Variants in ADGRG2 observed in about 807,000 individuals in gnomAD.
The protein encoded by ADGRG2 is G protein-coupled receptor 64.
Under a neutral mutation model 74.1 loss-of-function variants are expected in ADGRG2, and 26 were observed. That is an observed-to-expected ratio of 0.35 (90% CI 0.26 to 0.49). The LOEUF (loss-of-function observed/expected upper bound fraction) is 0.49, where lower values mean the gene tolerates loss of function less well. Among genes scored for constraint, ADGRG2 ranks in the 20% least tolerant of loss-of-function variants. The pLI is 0.99. For missense variants in ADGRG2, 619 were observed against 763.1 expected, an observed-to-expected ratio of 0.81 and a Z score of 2.22; for synonymous variants, 296 against 295.2, an observed-to-expected ratio of 1.00 and a Z score of -0.03.
intron 1 of ADGRG2, among the ~76,000 whole-genome samples, 170 bp from the exon 2 acceptor site, chrX:19,082,916 G>A (rs1288297479): frequency 8.9e-6 from 1 of 111,830 alleles, no homozygotes; most frequent in Non-Finnish European, 1.9e-5. Context: ...AAAAATGGAT[G>A]TAAACCCTGC....
intron 3 of ADGRG2, among the ~76,000 whole-genome samples, chrX:19,053,356 G>A (rs1451535773): frequency 2.7e-5 from 3 of 110,677 alleles, no homozygotes; most frequent in African/African-American, 9.9e-5. Context: ...TTTGCGGGGC[G>A]GAGGGGGGGT....
intron 16 of ADGRG2, 93 bp from the exon 17 acceptor site, chrX:19,010,871 A>C: frequency 5.3e-6 from 3 of 565,582 alleles, no homozygotes; most frequent in Non-Finnish European, 8.2e-6. Flanking sequence ...TGGCAAACTC[A>C]CTCCTGGGTA....
intron 1 of ADGRG2, among the ~76,000 whole-genome samples, chrX:19,102,088 T>C (rs1392081938): frequency 9.3e-6 from 1 of 107,973 alleles, no homozygotes; most frequent in Non-Finnish European, 1.9e-5. Context: ...GGTGAAAATA[T>C]TGCCGGGTGT....
At chrX:19,074,234 A>C (rs966481132) in intron 2 of ADGRG2, among the ~76,000 whole-genome samples, 14 of 110,221 alleles carry the variant, frequency 1.3e-4, no homozygotes, top group Admixed American at 8.7e-4. Flanking sequence ...GCATTTTCTT[A>C]TTATTATTAA....
intron 28 of ADGRG2, among the ~76,000 whole-genome samples, chrX:18,991,778 C>T (rs1352570421): frequency 8.9e-6 from 1 of 111,785 alleles, no homozygotes; most frequent in East Asian, 2.8e-4. Context: ...TTGGCACCAT[C>T]CTTCTGATCA....
chrX:19,070,244 A>G (rs2061632618), intron 2 of ADGRG2, among the ~76,000 whole-genome samples: 1 of 112,751 alleles, frequency 8.9e-6, no homozygotes, highest in African/African-American at 3.2e-5. Flanking sequence ...TTTTATCATC[A>G]TTGCTTGCAT....
intron 3 of ADGRG2, among the ~76,000 whole-genome samples, chrX:19,062,024 TCTC>T (rs1203377331): frequency 1.8e-5 from 2 of 111,339 alleles, no homozygotes; most frequent in Non-Finnish European, 3.8e-5. Context: ...GGGGGGTCCT[TCTC>T]CTGCTAATAC....
At position 19,004,181 on chromosome X, in the gene ADGRG2, T is replaced by A. The variant is rs184896891; in HGVS notation, c.1961+577A>T. ...AAAATGCCCATGTCCTTCTTTTCCA[T>A]TAGAATTTGTTGGAATTACCCCCAA... On this transcript the variant is annotated intron_variant, in intron 23 of 28. Transcript: ENST00000379869. 2.7e-5 allele frequency among the ~76,000 whole-genome samples: 3 copies of A among 112,146 alleles called. No individual in the cohort carries two copies. The Admixed American group carries it at 2.8e-4, about 11-fold the overall frequency.
intron 3 of ADGRG2, among the ~76,000 whole-genome samples, chrX:19,062,787 G>A (rs1381434559): frequency 9.0e-6 from 1 of 110,500 alleles, no homozygotes; most frequent in East Asian, 2.9e-4. Flanking sequence ...GGGACTCATC[G>A]CTGGAAATGC....
intron 3 of ADGRG2, among the ~76,000 whole-genome samples, chrX:19,056,079 C>T (rs1384529197): frequency 9.0e-6 from 1 of 110,645 alleles, no homozygotes; most frequent in Non-Finnish European, 1.9e-5. Flanking sequence ...GCACACATCA[C>T]TTATACCCAC....
In ADGRG2 at chrX:18,996,113, T is replaced by C. The variant is rs1185593626; in HGVS notation, c.2654A>G (p.Asn885Ser). Residue 885 changes from asparagine to serine, a missense_variant, in exon 27 of 29, where the codon AAT becomes AGT. Transcript: ENST00000379869. ...ATACCGCCTCCATTGCTTCCTGACA[T>C]TTTCTTTGGCCACACAGTAAAAGAT... ...IFIFYCVAKE[N>S]VRKQWRRYLC... 1 of 1,184,967 alleles carries C rather than the reference T, an allele frequency of 8.4e-7. No homozygotes were observed. Among genetic ancestry groups the C allele is most frequent in the Admixed American group, 2.2e-5 (1 of 45,765 alleles).
chrX:19,000,536 C>A (rs896977084), intron 24 of ADGRG2, among the ~76,000 whole-genome samples: 8 of 111,640 alleles, frequency 7.2e-5, no homozygotes, highest in Non-Finnish European at 1.5e-4. Context: ...CCCATAGAAA[C>A]CTCCTGTGAG....
intron 28 of ADGRG2, among the ~76,000 whole-genome samples, chrX:18,992,446 C>T (rs376579608): frequency 1.2e-4 from 13 of 111,811 alleles, no homozygotes; most frequent in African/African-American, 3.2e-4. Flanking sequence ...TGTGCCACCA[C>T]GTCTGGTTGA....
intron 9 of ADGRG2, among the ~76,000 whole-genome samples, chrX:19,030,222 C>A (rs753119427): frequency 2.7e-5 from 3 of 111,837 alleles, no homozygotes; most frequent in South Asian, 7.5e-4. Flanking sequence ...TAGTTAACTT[C>A]CTCTTCTCGC....
At chrX:19,093,938 C>CACACA (rs201404102) in intron 1 of ADGRG2, among the ~76,000 whole-genome samples, 1 of 107,193 alleles carries the variant, frequency 9.3e-6, no homozygotes, top group African/African-American at 3.6e-5. Flanking sequence ...CACACACACA[C>CACACA]CCCATGGAAT....
At chrX:19,105,055 G>T (rs1249271112) in intron 1 of ADGRG2, among the ~76,000 whole-genome samples, 1 of 110,662 alleles carries the variant, frequency 9.0e-6, no homozygotes, top group African/African-American at 3.3e-5. Flanking sequence ...CCAACATAGT[G>T]AAACCCCGTC....
chrX:19,102,405 A>G (rs912065733), intron 1 of ADGRG2, among the ~76,000 whole-genome samples: 1 of 109,782 alleles, frequency 9.1e-6, no homozygotes, highest in Non-Finnish European at 1.9e-5. Context: ...TTTCCTCTTT[A>G]GTACTCTTTG....
intron 15 of ADGRG2, 93 bp downstream of exon 15, chrX:19,019,506 T>C (rs1366652422): frequency 1.9e-6 from 1 of 526,594 alleles, no homozygotes; most frequent in Non-Finnish European, 3.3e-6. Flanking sequence ...TTGAAAGCCT[T>C]CTTTACTCCC....
intron 3 of ADGRG2, among the ~76,000 whole-genome samples, chrX:19,054,707 C>T (rs934877529): frequency 2.7e-4 from 30 of 112,239 alleles, no homozygotes; most frequent in African/African-American, 9.7e-4. Flanking sequence ...CTCCATAATG[C>T]ATCATCTTCG....
Sources: gnomAD v4.1 joint callset for allele counts (sites outside exome capture counted in the v4.1 genomes callset) on GRCh38, gnomAD v4.1.1 for gene constraint, MANE v1.5 for transcripts, NCBI Gene and HGNC (gene_info 2026-07-23, HGNC 2026-07-21) for gene names.